USP12: variants seen among roughly 807,000 people sequenced by gnomAD.
The protein encoded by USP12 is ubiquitin specific peptidase 12, also known as ubiquitin carboxyl-terminal hydrolase 12.
USP12 carries 19 observed loss-of-function variants against 45.5 expected under a neutral mutation model. The ratio of observed to expected loss-of-function variants is 0.42; its 90% confidence interval spans 0.29 to 0.61. The LOEUF is 0.61. Among genes scored for constraint, USP12 ranks in the 20% least tolerant of loss-of-function variants. USP12 has a pLI of 0.22. For synonymous variants in USP12, 149 were observed against 148.8 expected (o/e 1.00, Z -0.01); for missense variants, 242 against 447.7 (o/e 0.54, Z 4.15).
intron 1 of USP12, among the ~76,000 whole-genome samples, chr13:27,133,645 A>T (rs1006215824): frequency 2.0e-4 from 30 of 152,042 alleles, no homozygotes; most frequent in African/African-American, 7.2e-4. Flanking sequence ...AAAAAAAAAA[A>T]AATTCTACAA....
chr13:27,134,394 A>AT (rs1876690016), intron 1 of USP12, among the ~76,000 whole-genome samples: 1 of 152,236 alleles, frequency 6.6e-6, no homozygotes, highest in Admixed American at 6.5e-5. Flanking sequence ...AAAGAGGAGA[A>AT]TAAGTCAGCA....
At chr13:27,086,327 A>T (rs1408579490) in intron 6 of USP12, among the ~76,000 whole-genome samples, 1 of 149,036 alleles carries the variant, frequency 6.7e-6, no homozygotes, top group Non-Finnish European at 1.5e-5. Flanking sequence ...ACCTCCTAAG[A>T]AGGATATAAA....
At chr13:27,120,188 A>G (rs892204808) in intron 1 of USP12, among the ~76,000 whole-genome samples, 6 of 152,240 alleles carry the variant, frequency 3.9e-5, no homozygotes, top group Admixed American at 6.5e-5. Flanking sequence ...TACATCACAT[A>G]ATGGTCACAT....
chr13:27,170,749 C>T (rs1566011611), intron 1 of USP12, among the ~76,000 whole-genome samples: 2 of 152,214 alleles, frequency 1.3e-5, no homozygotes, highest in South Asian at 2.1e-4. Flanking sequence ...AGACCTAGCT[C>T]CAGCCACATA....
chr13:27,098,461 A>G (rs1359378981), intron 3 of USP12, among the ~76,000 whole-genome samples: 1 of 152,240 alleles, frequency 6.6e-6, no homozygotes, highest in Non-Finnish European at 1.5e-5. Flanking sequence ...CCTAAATAAT[A>G]CATGACAAGG....
chr13:27,141,948 C>CA (rs558373351), intron 1 of USP12, among the ~76,000 whole-genome samples: 54 of 149,178 alleles, frequency 3.6e-4, no homozygotes, highest in Non-Finnish European at 5.5e-4. Context: ...TTTGGGAGGC[C>CA]AAAAAAAAAT....
chr13:27,109,775 G>A (rs1025841776), intron 2 of USP12, among the ~76,000 whole-genome samples: 3 of 151,794 alleles, frequency 2.0e-5, no homozygotes, highest in African/African-American at 4.8e-5. Context: ...CTAGCCGGGC[G>A]TTTTACTCCT....
At chr13:27,132,420 C>T (rs1876545672) in intron 1 of USP12, among the ~76,000 whole-genome samples, 1 of 150,604 alleles carries the variant, frequency 6.6e-6, no homozygotes, top group African/African-American at 2.5e-5. Flanking sequence ...AAAAGCAGTA[C>T]AGGAAGGCAA....
Position 27,067,530 on chromosome 13 carries a change from ATAT to A in USP12, c.*1750_*1752del, listed in dbSNP as rs1475791549. On this transcript the variant is annotated 3_prime_UTR_variant, in exon 9 of 9. Transcript: ENST00000282344. ...TTTTGATATTTTGTACAAATACTAA[ATAT>A]TATAATTTTCTCCCAGAACATCTGT... The A allele has an allele frequency of 6.6e-6, 1 of 152,184 alleles. No homozygotes were observed. The highest frequency in any genetic ancestry group is 1.5e-5 in the Non-Finnish European group (1 of 68,036). The allele number at this position is 152,184 out of a possible 1,614,324, so 9.4% of individuals were successfully genotyped here.
chr13:27,128,988 G>A (rs762767175), intron 1 of USP12, among the ~76,000 whole-genome samples: 2 of 152,050 alleles, frequency 1.3e-5, no homozygotes, highest in Admixed American at 1.3e-4. Flanking sequence ...TAATAGTAAC[G>A]GAGTTCATAC....
intron 2 of USP12, among the ~76,000 whole-genome samples, chr13:27,112,013 C>T (rs1347954974): frequency 6.6e-6 from 1 of 152,108 alleles, no homozygotes; most frequent in Non-Finnish European, 1.5e-5. Flanking sequence ...GTAGTCTTAT[C>T]TACCAAATTA....
At chr13:27,168,298 C>T (rs901633178) in intron 1 of USP12, among the ~76,000 whole-genome samples, 2 of 152,198 alleles carry the variant, frequency 1.3e-5, no homozygotes, top group East Asian at 1.9e-4. Context: ...GCCTTCCTAA[C>T]CATGACTCCT....
chr13:27,163,287 C>T (rs1375096546), intron 1 of USP12, among the ~76,000 whole-genome samples: 1 of 152,128 alleles, frequency 6.6e-6, no homozygotes, highest in South Asian at 2.1e-4. Context: ...ATGCCCCCTT[C>T]CTACTCTCCA....
rs567209989 is a variant in USP12 at position 27,141,432 on chromosome 13, T to A, written c.49-24836A>T. ...TAGAATCGGCATCTTGGTTTCTAAA[T>A]ACCATTCTCCACTAAAAGAAATCAA... On this transcript the variant is annotated intron_variant, in intron 1 of 8. Transcript: ENST00000282344. Among the ~76,000 whole-genome samples, 4 of 152,278 alleles carry A rather than the reference T, an allele frequency of 2.6e-5. No homozygotes were observed. In the South Asian group the frequency reaches 8.3e-4, roughly 32 times the overall value.
chr13:27,096,647 C>T (rs1565988085), intron 3 of USP12, among the ~76,000 whole-genome samples: 2 of 152,148 alleles, frequency 1.3e-5, no homozygotes, highest in Non-Finnish European at 1.5e-5. Context: ...AGACAGAGTA[C>T]AGTCACACTG....
chr13:27,118,639 T>C (rs2137799288), intron 1 of USP12, among the ~76,000 whole-genome samples: 2 of 152,262 alleles, frequency 1.3e-5, no homozygotes, highest in Admixed American at 1.3e-4. Context: ...TTCAAACTGA[T>C]ACTGGCTTAT....
Position 27,069,277 on chromosome 13 carries a change from T to A in USP12, c.*6A>T, listed in dbSNP as rs1430968751. 3 of 1,604,984 alleles carry A rather than the reference T, an allele frequency of 1.9e-6. No homozygotes were observed. On this transcript the variant is annotated 3_prime_UTR_variant, in exon 9 of 9. Coordinates refer to ENST00000282344, the MANE Select transcript of USP12 (RefSeq NM_182488.4). Reference sequence around the variant, plus strand: ...GCAGAAAGTGTCTCTTCATCACGGTTCCCTCTCAGTCCCGAGACTGATAGA... The same window carrying A: ...GCAGAAAGTGTCTCTTCATCACGGTACCCTCTCAGTCCCGAGACTGATAGA...
Position 27,098,001 on chromosome 13 carries a change from T to C in USP12, c.344-2171A>G, listed in dbSNP as rs1022516295. Among the ~76,000 whole-genome samples, 20 of 150,922 alleles carry C rather than the reference T, an allele frequency of 1.3e-4. No homozygotes were observed. In the South Asian group the frequency reaches 1.7e-3, roughly 13 times the overall value. On this transcript the variant is annotated intron_variant, in intron 3 of 8. Transcript: ENST00000282344. ...ATATAGTACTTTTTTTTTTTTTTTT[T>C]TGAGATGGAGTTTTGCTCTTGTTGC...
At chr13:27,102,804 A>G (rs1195020366) in intron 3 of USP12, among the ~76,000 whole-genome samples, 3 of 152,168 alleles carry the variant, frequency 2.0e-5, no homozygotes, top group Non-Finnish European at 4.4e-5. Flanking sequence ...GGTGTCAGGT[A>G]CCTGAAGGCA....
Sources: allele counts gnomAD v4.1 joint callset (sites outside exome capture counted in the v4.1 genomes callset), GRCh38; gene constraint gnomAD v4.1.1; transcripts MANE v1.5; gene names NCBI Gene and HGNC (gene_info 2026-07-23, HGNC 2026-07-21).